Variants in IL1RAPL1 observed in about 807,000 individuals in gnomAD.
The protein encoded by IL1RAPL1 is interleukin 1 receptor accessory protein like 1.
Under a neutral mutation model 48.4 loss-of-function variants are expected in IL1RAPL1, and 3 were observed. The ratio of observed to expected loss-of-function variants is 0.06; its 90% CI spans 0.03 to 0.16. The LOEUF is 0.16. Ranked by LOEUF, IL1RAPL1 falls within the 10% of genes least tolerant of loss-of-function variation. IL1RAPL1 has a pLI of 1.00. For missense variants in IL1RAPL1, 349 were observed against 530.6 expected (o/e 0.66, Z 3.36); for synonymous variants, 185 against 187.7 (o/e 0.99, Z 0.12).
chrX:29,803,295 G>A (rs1315477364), intron 6 of IL1RAPL1, among the ~76,000 whole-genome samples: 1 of 19,812 alleles, frequency 5.0e-5, no homozygotes, highest in Non-Finnish European at 9.7e-5. Flanking sequence ...ATGTATATAT[G>A]TATACATATA....
At chrX:29,557,120 G>A (rs1922029291) in intron 5 of IL1RAPL1, among the ~76,000 whole-genome samples, 3 of 111,759 alleles carry the variant, frequency 2.7e-5, no homozygotes, top group Non-Finnish European at 3.8e-5. Flanking sequence ...TTGTGTATGC[G>A]TGGGGCCATC....
At chrX:29,765,094 A>T (rs1014449471) in intron 6 of IL1RAPL1, among the ~76,000 whole-genome samples, 1 of 112,412 alleles carries the variant, frequency 8.9e-6, no homozygotes, top group Non-Finnish European at 1.9e-5. Flanking sequence ...TGTGTGGTTA[A>T]TTCATTATAG....
intron 1 of IL1RAPL1, among the ~76,000 whole-genome samples, chrX:28,661,789 A>G (rs1002821786): frequency 8.9e-6 from 1 of 112,134 alleles, no homozygotes; most frequent in African/African-American, 3.2e-5. Flanking sequence ...AACACTCTAT[A>G]TTCCATAATG....
At chrX:28,856,289 T>C (rs1921804055) in intron 2 of IL1RAPL1, among the ~76,000 whole-genome samples, 2 of 111,683 alleles carry the variant, frequency 1.8e-5, no homozygotes, top group South Asian at 7.5e-4. Context: ...CAATGTTTAC[T>C]CAAGGATAAG....
intron 6 of IL1RAPL1, among the ~76,000 whole-genome samples, chrX:29,681,907 T>C (rs1315944137): frequency 2.8e-5 from 2 of 71,411 alleles, no homozygotes; most frequent in African/African-American, 1.5e-4. Context: ...AAATCCTCTT[T>C]GTAAATTAAA....
chrX:28,696,177 C>T (rs1216935810), intron 1 of IL1RAPL1, among the ~76,000 whole-genome samples: 2 of 110,816 alleles, frequency 1.8e-5, no homozygotes, highest in Non-Finnish European at 3.8e-5. Context: ...TTGGGCTTCT[C>T]CCTCTCCATC....
intron 2 of IL1RAPL1, among the ~76,000 whole-genome samples, chrX:28,799,836 A>G (rs1397790083): frequency 1.8e-5 from 2 of 111,831 alleles, no homozygotes; most frequent in Non-Finnish European, 3.8e-5. Flanking sequence ...GTCGCCAATT[A>G]CAGAGAGAAG....
intron 6 of IL1RAPL1, among the ~76,000 whole-genome samples, chrX:29,833,222 TATGCACAC>T (rs1171147208): frequency 8.9e-6 from 1 of 111,880 alleles, no homozygotes; most frequent in East Asian, 2.8e-4. Flanking sequence ...TATATACACA[TATGCACAC>T]ATGCACATGC....
At chrX:28,798,287 G>A (rs1487303521) in intron 2 of IL1RAPL1, among the ~76,000 whole-genome samples, 1 of 111,730 alleles carries the variant, frequency 9.0e-6, no homozygotes, top group Non-Finnish European at 1.9e-5. Context: ...TGATCCATAA[G>A]GTGGCTTGGA....
intron 2 of IL1RAPL1, among the ~76,000 whole-genome samples, chrX:29,050,238 T>G (rs1047431863): frequency 8.9e-6 from 1 of 111,923 alleles, no homozygotes; most frequent in Non-Finnish European, 1.9e-5. Flanking sequence ...GATTACCGAT[T>G]GAGTATTGCA....
At position 29,337,974 on chromosome X, in the gene IL1RAPL1, C is replaced by T. The variant is rs139858948; in HGVS notation, c.362+54757C>T. Among the ~76,000 whole-genome samples the T allele has an allele frequency of 1.1e-3, 121 of 111,559 alleles. No homozygotes were observed. The East Asian group carries it at 0.025, about 23-fold the overall frequency. ...ACAGGCGTGAGCCACTGCACCTGGC[C>T]GACAAATTTATTCTTATTATTATGC... On this transcript the variant is annotated intron_variant, in intron 3 of 10. Coordinates refer to ENST00000378993, the MANE Select transcript of IL1RAPL1 (RefSeq NM_014271.4).
At chrX:29,512,628 C>G (rs770575534) in intron 5 of IL1RAPL1, among the ~76,000 whole-genome samples, 9 of 111,967 alleles carry the variant, frequency 8.0e-5, no homozygotes, top group Non-Finnish European at 1.5e-4. Flanking sequence ...GACAATTATA[C>G]AAGCTTGTGC....
At chrX:28,609,628 TAC>T (rs3078234) in intron 1 of IL1RAPL1, among the ~76,000 whole-genome samples, 3,281 of 89,248 alleles carry the variant, frequency 0.037, 143 homozygotes, top group African/African-American at 0.13. Context: ...TGCATGTTCT[TAC>T]ACACACACAC....
At chrX:28,636,614 C>G (rs1453193630) in intron 1 of IL1RAPL1, among the ~76,000 whole-genome samples, 1 of 111,700 alleles carries the variant, frequency 9.0e-6, no homozygotes, top group African/African-American at 3.3e-5. Context: ...TGGCTTTCTG[C>G]TCCACCATGG....
Position 28,675,050 on chromosome X carries a change from T to A in IL1RAPL1, c.-25+87003T>A, listed in dbSNP as rs6628373. On this transcript the variant is annotated intron_variant, in intron 1 of 10. Transcript: ENST00000378993. ...TGGTGTATATAGAAAAATCCATAAG[T>A]AATGATTCAAAATTATTTGAAGATG... Among the ~76,000 whole-genome samples, 12 of 111,620 alleles carry A rather than the reference T, an allele frequency of 1.1e-4. No individual in the cohort carries two copies. In the East Asian group the frequency reaches 3.1e-3, roughly 29 times the overall value.
intron 2 of IL1RAPL1, among the ~76,000 whole-genome samples, chrX:29,246,970 G>C (rs1238565208): frequency 2.7e-5 from 3 of 111,483 alleles, no homozygotes; most frequent in East Asian, 5.6e-4. Context: ...TTTAATGTAA[G>C]GTGAAACACA....
chrX:29,234,478 G>T (rs896317816), intron 2 of IL1RAPL1, among the ~76,000 whole-genome samples: 1 of 111,677 alleles, frequency 9.0e-6, no homozygotes, highest in Non-Finnish European at 1.9e-5. Flanking sequence ...ACCTCCATGA[G>T]ATAGGGTTAT....
At chrX:29,823,188 G>A (rs774499068) in intron 6 of IL1RAPL1, among the ~76,000 whole-genome samples, 16 of 111,580 alleles carry the variant, frequency 1.4e-4, no homozygotes, top group African/African-American at 4.5e-4. Context: ...TAATCTAGCC[G>A]CAGTGTGTAA....
chrX:28,722,762 G>A (rs936083984), intron 1 of IL1RAPL1, among the ~76,000 whole-genome samples: 7 of 111,278 alleles, frequency 6.3e-5, no homozygotes, highest in Admixed American at 9.7e-5. Context: ...TTTGAGATAC[G>A]TCCCATCAAT....
Sources: allele counts gnomAD v4.1 joint callset (sites outside exome capture counted in the v4.1 genomes callset), GRCh38; gene constraint gnomAD v4.1.1; transcripts MANE v1.5; gene names NCBI Gene and HGNC (gene_info 2026-07-23, HGNC 2026-07-21).